Variants in MOXD1 observed in about 807,000 individuals in gnomAD.
The protein encoded by MOXD1 is monooxygenase DBH like 1, also known as DBH-like monooxygenase protein 1.
Under a neutral mutation model 66.6 loss-of-function variants are expected in MOXD1, and 62 were observed. The ratio of observed to expected loss-of-function variants is 0.93; its 90% CI spans 0.76 to 1.15. MOXD1 has a LOEUF of 1.15. Ranked by LOEUF, MOXD1 falls within the 50% of genes most tolerant of loss-of-function variation. MOXD1 has a pLI of 0.00. For synonymous variants in MOXD1, 303 were observed against 281.9 expected (o/e 1.07, Z -0.75); for missense variants, 847 against 754.6 (o/e 1.12, Z -1.44).
At position 132,372,831 on chromosome 6, in the gene MOXD1, T is replaced by C; in HGVS notation, c.578A>G (p.Asp193Gly). Residue 193 changes from aspartate (D) to glycine (G), a missense_variant and splice_region_variant, in exon 3 of 12, where the codon GAC becomes GGC. Physicochemically the swap from Asp to Gly is moderately conservative, Grantham distance 94 (BLOSUM62 -1). Coordinates refer to ENST00000367963, the MANE Select transcript of MOXD1 (RefSeq NM_015529.4). ...ATCATAAAACCTGAAAACACTTACG[T>C]CCTGATTTACCAGATCAAAGTATGG... ...ALPYFDLVNQ[D>G]VPIPNKDTTY... The C allele has an allele frequency of 6.2e-7, 1 of 1,613,660 alleles. No individual in the cohort carries two copies. Among genetic ancestry groups the C allele is most frequent in the Non-Finnish European group, 8.5e-7 (1 of 1,179,698 alleles).
intron 10 of MOXD1, among the ~76,000 whole-genome samples, chr6:132,310,222 T>C (rs1774797735): frequency 1.3e-5 from 2 of 152,184 alleles, no homozygotes; most frequent in South Asian, 4.1e-4. Flanking sequence ...AGAAGACATT[T>C]ATGTGGCCAA....
rs973067678 is a variant in MOXD1 at position 132,380,179 on chromosome 6, C to T, written c.265-5402G>A. Among the ~76,000 whole-genome samples, 4 of 152,216 alleles carry T rather than the reference C, an allele frequency of 2.6e-5. No individual in the cohort carries two copies. In the South Asian group the frequency reaches 8.3e-4, roughly 32 times the overall value. ...TCATTTTCACTGTTCCTATCTCCCACACTCCACGTTTACATACTCTGTCAT... is the reference window on the plus strand; with the variant it reads ...TCATTTTCACTGTTCCTATCTCCCATACTCCACGTTTACATACTCTGTCAT... On this transcript the variant is annotated intron_variant, in intron 1 of 11. Coordinates refer to ENST00000367963, the MANE Select transcript of MOXD1 (RefSeq NM_015529.4).
rs142443262 is a variant in MOXD1 at position 132,326,521 on chromosome 6, C to A, written c.946+1492G>T. Among the ~76,000 whole-genome samples the A allele has an allele frequency of 8.8e-4, 133 of 151,770 alleles. No homozygotes were observed. In the East Asian group the frequency reaches 0.021, roughly 24 times the overall value. ...ATTTATTCTATTAATAATTTAAAAT[C>A]AAAAATGTAAAAAATTTTTAAAAGT... On this transcript the variant is annotated intron_variant, in intron 6 of 11. Transcript: ENST00000367963.
chr6:132,350,185 A>G (rs1582588091), intron 4 of MOXD1, among the ~76,000 whole-genome samples: 2 of 152,220 alleles, frequency 1.3e-5, no homozygotes, highest in East Asian at 3.8e-4. Flanking sequence ...GTTCTTGGTC[A>G]TGAAATCCTT....
intron 1 of MOXD1, among the ~76,000 whole-genome samples, chr6:132,381,064 C>A (rs1018628497): frequency 2.6e-4 from 39 of 152,176 alleles, no homozygotes; most frequent in African/African-American, 9.4e-4. Context: ...AGGGAGAAGT[C>A]ATGTTTCAGA....
At chr6:132,359,677 G>A (rs1467506676) in intron 4 of MOXD1, among the ~76,000 whole-genome samples, 2 of 151,552 alleles carry the variant, frequency 1.3e-5, no homozygotes, top group African/African-American at 4.8e-5. Flanking sequence ...TAGTAGAGGC[G>A]GGGTTTCACT....
intron 10 of MOXD1, among the ~76,000 whole-genome samples, chr6:132,311,316 T>C (rs939114787): frequency 6.6e-6 from 1 of 152,106 alleles, no homozygotes; most frequent in East Asian, 1.9e-4. Flanking sequence ...ATTAGGGTTA[T>C]CATTGAATTG....
chr6:132,323,885 C>T (rs756152903), intron 7 of MOXD1, 46 bp downstream of exon 7: 1 of 1,502,188 alleles, frequency 6.7e-7, no homozygotes, highest in East Asian at 2.4e-5. Context: ...TTTCTAAGAG[C>T]ATTGATGAAT....
chr6:132,354,595 T>C (rs1426396360), intron 4 of MOXD1, among the ~76,000 whole-genome samples: 2 of 152,186 alleles, frequency 1.3e-5, no homozygotes, highest in Non-Finnish European at 2.9e-5. Flanking sequence ...GTTCTTACCT[T>C]TGGTGATTTA....
chr6:132,337,596 A>G (rs1775467165), intron 4 of MOXD1, among the ~76,000 whole-genome samples: 1 of 152,248 alleles, frequency 6.6e-6, no homozygotes, highest in Non-Finnish European at 1.5e-5. Flanking sequence ...AAGAGGTAAC[A>G]TGTTATGATT....
rs73546067 is a variant in MOXD1, at chr6:132,360,489, A to T, written c.663+12119T>A. ...TGCCTCTGTTTATGCCTCTGCAGTC[A>T]TGCTCACCACACCACTACTTCCACC... On this transcript the variant is annotated intron_variant, in intron 4 of 11. Transcript: ENST00000367963. Among the ~76,000 whole-genome samples, 832 of 152,290 alleles carry T rather than the reference A, an allele frequency of 5.5e-3. 12 individuals are homozygous for T. Among genetic ancestry groups the T allele is most frequent in the African/African-American group, 0.02 (812 of 41,560 alleles).
At chr6:132,335,949 C>T (rs1415190848) in intron 4 of MOXD1, among the ~76,000 whole-genome samples, 7 of 151,956 alleles carry the variant, frequency 4.6e-5, no homozygotes, top group Admixed American at 1.3e-4. Flanking sequence ...GGGGGTAAAG[C>T]GGGAGAAAGT....
chr6:132,336,313 T>G (rs915289788), intron 4 of MOXD1, among the ~76,000 whole-genome samples: 2 of 152,172 alleles, frequency 1.3e-5, no homozygotes, highest in African/African-American at 4.8e-5. Context: ...AAGCCCGTAA[T>G]CCATCTCTGG....
chr6:132,317,883 T>C (rs1286863056), intron 9 of MOXD1, among the ~76,000 whole-genome samples: 1 of 152,096 alleles, frequency 6.6e-6, no homozygotes, highest in African/African-American at 2.4e-5. Context: ...ATTCAGTATA[T>C]TGAAGTATGT....
At chr6:132,374,589 A>G in intron 2 of MOXD1, 42 bp downstream of exon 2, 1 of 1,587,064 alleles carries the variant, frequency 6.3e-7, no homozygotes, top group South Asian at 1.1e-5. Flanking sequence ...AAGTGTAAAT[A>G]TACAATTTGT....
intron 1 of MOXD1, among the ~76,000 whole-genome samples, chr6:132,400,699 C>A (rs1289710328): frequency 6.6e-6 from 1 of 151,876 alleles, no homozygotes; most frequent in African/African-American, 2.4e-5. Flanking sequence ...CCTGGAGGCT[C>A]CCAAATAGCC....
chr6:132,341,825 G>A (rs1440319743), intron 4 of MOXD1, among the ~76,000 whole-genome samples: 1 of 152,004 alleles, frequency 6.6e-6, no homozygotes, highest in African/African-American at 2.4e-5. Flanking sequence ...GATTATTTTG[G>A]CTCACATTTG....
chr6:132,343,654 A>G (rs1775609767), intron 4 of MOXD1, among the ~76,000 whole-genome samples: 1 of 152,192 alleles, frequency 6.6e-6, no homozygotes, highest in African/African-American at 2.4e-5. Context: ...ATTGAATTCA[A>G]TATACTGAAA....
intron 4 of MOXD1, among the ~76,000 whole-genome samples, chr6:132,360,534 C>G (rs73779072): frequency 0.046 from 7,033 of 152,256 alleles, 513 homozygotes; most frequent in African/African-American, 0.15. Context: ...TTCATCTACT[C>G]TGTGCTTTCC....
Sources: allele counts gnomAD v4.1 joint callset (sites outside exome capture counted in the v4.1 genomes callset), GRCh38; gene constraint gnomAD v4.1.1; transcripts MANE v1.5; gene names NCBI Gene and HGNC (gene_info 2026-07-23, HGNC 2026-07-21).